GALNTL6: variants seen among roughly 807,000 people sequenced by gnomAD.
GALNTL6 encodes polypeptide N-acetylgalactosaminyltransferase like 6, also known as polypeptide N-acetylgalactosaminyltransferase-like 6.
In GALNTL6, 46 loss-of-function variants were observed where a neutral mutation model predicts 73.7. The ratio of observed to expected loss-of-function variants is 0.62; its 90% confidence interval spans 0.49 to 0.80. The LOEUF is 0.80. Among genes scored for constraint, GALNTL6 ranks in the 30% least tolerant of loss-of-function variants. GALNTL6 has a pLI of 0.00. For missense variants in GALNTL6, 604 were observed against 755.0 expected (o/e 0.80, Z 2.34); for synonymous variants, 259 against 263.7 (o/e 0.98, Z 0.17).
chr4:172,915,765 C>A (rs1232492242), intron 8 of GALNTL6, among the ~76,000 whole-genome samples: 1 of 151,870 alleles, frequency 6.6e-6, no homozygotes, highest in African/African-American at 2.4e-5. Flanking sequence ...AATAGCCTAT[C>A]AACAAAAAAG....
intron 3 of GALNTL6, among the ~76,000 whole-genome samples, chr4:172,255,864 C>A (rs1738057428): frequency 1.3e-5 from 2 of 151,184 alleles, no homozygotes; most frequent in Admixed American, 1.3e-4. Flanking sequence ...ATTAGGAAAT[C>A]AGAGTAGGCA....
chr4:172,901,031 G>A (rs1187826209), intron 8 of GALNTL6, among the ~76,000 whole-genome samples: 2 of 152,092 alleles, frequency 1.3e-5, no homozygotes, highest in Admixed American at 6.6e-5. Context: ...CATTCTGAAC[G>A]ATATAATTGG....
intron 5 of GALNTL6, among the ~76,000 whole-genome samples, chr4:172,654,459 C>G (rs1730876507): frequency 6.6e-6 from 1 of 152,108 alleles, no homozygotes; most frequent in Non-Finnish European, 1.5e-5. Context: ...CTTTTAAATG[C>G]TATCTTACTA....
At chr4:172,468,028 G>C (rs1340003796) in intron 5 of GALNTL6, among the ~76,000 whole-genome samples, 1 of 151,342 alleles carries the variant, frequency 6.6e-6, no homozygotes, top group Non-Finnish European at 1.5e-5. Flanking sequence ...GAGTAGCTGG[G>C]ACTATAGGCA....
At chr4:172,024,141 T>C (rs1741483956) in intron 2 of GALNTL6, among the ~76,000 whole-genome samples, 1 of 151,860 alleles carries the variant, frequency 6.6e-6, no homozygotes, top group Non-Finnish European at 1.5e-5. Context: ...TTTATTCCAT[T>C]AGATATTTAA....
At chr4:172,987,982 G>A (rs1279572861) in intron 10 of GALNTL6, among the ~76,000 whole-genome samples, 1 of 152,160 alleles carries the variant, frequency 6.6e-6, no homozygotes, top group Non-Finnish European at 1.5e-5. Context: ...AGCAGTGAAA[G>A]AATGGACTAA....
At chr4:172,770,132 G>C (rs1346778235) in intron 5 of GALNTL6, among the ~76,000 whole-genome samples, 1 of 151,976 alleles carries the variant, frequency 6.6e-6, no homozygotes, top group African/African-American at 2.4e-5. Flanking sequence ...TGGGCGTTGT[G>C]GTGCACACCT....
At chr4:172,901,667 C>G (rs576864314) in intron 8 of GALNTL6, among the ~76,000 whole-genome samples, 4 of 152,042 alleles carry the variant, frequency 2.6e-5, no homozygotes, top group Non-Finnish European at 4.4e-5. Flanking sequence ...ACTTCATGGC[C>G]GAACGAAAAA....
chr4:172,808,796 A>C (rs188903551), intron 5 of GALNTL6, among the ~76,000 whole-genome samples: 1 of 152,344 alleles, frequency 6.6e-6, no homozygotes, highest in East Asian at 1.9e-4. Context: ...ATAGTATTTC[A>C]TCTGCAGCCA....
chr4:172,317,805 GC>G (rs1372581429), intron 4 of GALNTL6, among the ~76,000 whole-genome samples: 1 of 152,096 alleles, frequency 6.6e-6, no homozygotes, highest in African/African-American at 2.4e-5. Context: ...AAAGTGAATA[GC>G]ACTAGTTGAT....
intron 3 of GALNTL6, among the ~76,000 whole-genome samples, chr4:172,275,581 T>C (rs1470675390): frequency 6.6e-6 from 1 of 152,238 alleles, no homozygotes; most frequent in Non-Finnish European, 1.5e-5. Context: ...GTGCTCAAAG[T>C]TAGCTTTTAA....
intron 2 of GALNTL6, among the ~76,000 whole-genome samples, chr4:171,829,744 G>C (rs900194993): frequency 5.9e-5 from 9 of 152,108 alleles, no homozygotes; most frequent in African/African-American, 1.9e-4. Context: ...TGTTCAGGTA[G>C]TTTATTCTCT....
At chr4:172,958,083 A>T (rs1426438930) in intron 10 of GALNTL6, among the ~76,000 whole-genome samples, 3 of 152,220 alleles carry the variant, frequency 2.0e-5, no homozygotes, top group African/African-American at 7.2e-5. Context: ...GAGACTCAAC[A>T]AAGAGTGAGT....
chr4:171,927,428 A>G (rs1738022566), intron 2 of GALNTL6, among the ~76,000 whole-genome samples: 1 of 151,962 alleles, frequency 6.6e-6, no homozygotes, highest in Admixed American at 6.6e-5. Flanking sequence ...AATACTATAG[A>G]TTTTGTGTTT....
intron 2 of GALNTL6, among the ~76,000 whole-genome samples, chr4:171,858,006 G>T (rs1735735990): frequency 6.6e-6 from 1 of 152,070 alleles, no homozygotes. Context: ...TATGGTTAGT[G>T]GAAAGTGTGT....
At chr4:172,106,327 A>C (rs927691551) in intron 2 of GALNTL6, among the ~76,000 whole-genome samples, 1 of 152,196 alleles carries the variant, frequency 6.6e-6, no homozygotes, top group African/African-American at 2.4e-5. Flanking sequence ...TAGAGGGTTT[A>C]GTGATTTTGC....
At chr4:172,852,904 A>T (rs1743912715) in intron 7 of GALNTL6, among the ~76,000 whole-genome samples, 1 of 152,206 alleles carries the variant, frequency 6.6e-6, no homozygotes, top group African/African-American at 2.4e-5. Context: ...CCAAGGAAAA[A>T]TCACATAAAA....
At chr4:172,728,306 C>G (rs1195314399) in intron 5 of GALNTL6, among the ~76,000 whole-genome samples, 1 of 152,130 alleles carries the variant, frequency 6.6e-6, no homozygotes, top group Non-Finnish European at 1.5e-5. Context: ...CGATAACCAC[C>G]AGTCTACTGT....
intron 2 of GALNTL6, among the ~76,000 whole-genome samples, chr4:171,971,515 A>T (rs189240655): frequency 6.6e-6 from 1 of 152,328 alleles, no homozygotes; most frequent in African/African-American, 2.4e-5. Flanking sequence ...TAAATAAATT[A>T]TTCTATTTGG....
Sources: allele counts gnomAD v4.1 joint callset (sites outside exome capture counted in the v4.1 genomes callset), GRCh38; gene constraint gnomAD v4.1.1; transcripts MANE v1.5; gene names NCBI Gene and HGNC (gene_info 2026-07-23, HGNC 2026-07-21).